The following PALM2AKAP2 variants were observed in gnomAD, a reference collection of about 807,000 sequenced individuals.
The protein encoded by PALM2AKAP2 is PALM2 and AKAP2 fusion, also known as PALM2-AKAP2 fusion protein.
Under a neutral mutation model 71.5 loss-of-function variants are expected in PALM2AKAP2, and 37 were observed. The ratio of observed to expected loss-of-function variants is 0.52; its 90% CI spans 0.40 to 0.68. The LOEUF is 0.68. Among genes scored for constraint, PALM2AKAP2 ranks in the 30% least tolerant of loss-of-function variants. PALM2AKAP2 has a pLI of 0.00. For synonymous variants in PALM2AKAP2, 468 were observed against 478.8 expected, an observed-to-expected ratio of 0.98 and a Z score of 0.29; for missense variants, 1,224 against 1,191.8, an observed-to-expected ratio of 1.03 and a Z score of -0.40.
intron 6 of PALM2AKAP2, among the ~76,000 whole-genome samples, chr9:110,001,262 A>C (rs1347444091): frequency 6.6e-6 from 1 of 152,204 alleles, no homozygotes; most frequent in African/African-American, 2.4e-5. Flanking sequence ...ACCATTTATT[A>C]AATAGGGAAT....
At chr9:110,012,487 C>T (rs2132326406) in intron 6 of PALM2AKAP2, among the ~76,000 whole-genome samples, 1 of 152,178 alleles carries the variant, frequency 6.6e-6, no homozygotes. Flanking sequence ...GCTTTGTTCT[C>T]CAAAATACAG....
chr9:110,089,861 T>C (rs571842331), intron 1 of PALM2AKAP2, among the ~76,000 whole-genome samples: 103 of 152,324 alleles, frequency 6.8e-4, no homozygotes, highest in African/African-American at 2.4e-3. Context: ...GAGAAAAGTC[T>C]TGAAGGTCAC....
intron 6 of PALM2AKAP2, among the ~76,000 whole-genome samples, chr9:109,933,294 G>C (rs764161600): frequency 2.0e-5 from 3 of 152,174 alleles, no homozygotes; most frequent in Non-Finnish European, 4.4e-5. Flanking sequence ...ACACTTCTGA[G>C]GTACACTTCT....
chr9:109,898,019 A>G (rs1463211292), intron 3 of PALM2AKAP2, among the ~76,000 whole-genome samples: 1 of 152,258 alleles, frequency 6.6e-6, no homozygotes, highest in African/African-American at 2.4e-5. Flanking sequence ...TTAACAAACC[A>G]AGAAGACTTA....
chr9:109,909,922 T>C (rs1456506483), intron 3 of PALM2AKAP2, among the ~76,000 whole-genome samples: 1 of 152,078 alleles, frequency 6.6e-6, no homozygotes, highest in Admixed American at 6.6e-5. Flanking sequence ...AGAGAGCCCA[T>C]GAGGGGTTTT....
intron 3 of PALM2AKAP2, among the ~76,000 whole-genome samples, chr9:109,902,476 C>G (rs936237229): frequency 2.6e-5 from 4 of 152,188 alleles, no homozygotes; most frequent in African/African-American, 9.7e-5. Flanking sequence ...TTACTGAGCC[C>G]CTGAAAGGCC....
chr9:109,919,761 GTGTGTA>G (rs1266407174), intron 3 of PALM2AKAP2, among the ~76,000 whole-genome samples: 1 of 141,682 alleles, frequency 7.1e-6, no homozygotes, highest in South Asian at 2.3e-4. Context: ...GTGTGTGTGT[GTGTGTA>G]TATATGTAAA....
At chr9:109,745,761 A>G (rs1828790907) in intron 1 of PALM2AKAP2, among the ~76,000 whole-genome samples, 2 of 152,218 alleles carry the variant, frequency 1.3e-5, no homozygotes. Flanking sequence ...TGTGGCTGCC[A>G]GAACTCCCTG....
intron 6 of PALM2AKAP2, among the ~76,000 whole-genome samples, chr9:109,939,525 G>T (rs1202169259): frequency 1.3e-5 from 2 of 152,194 alleles, no homozygotes; most frequent in African/African-American, 2.4e-5. Flanking sequence ...CTGAATGTTT[G>T]CAGAATAATA....
At chr9:109,847,290 G>A (rs1392859658) in intron 1 of PALM2AKAP2, among the ~76,000 whole-genome samples, 2 of 152,200 alleles carry the variant, frequency 1.3e-5, no homozygotes, top group Admixed American at 1.3e-4. Flanking sequence ...ACTAGGTAGA[G>A]GTTAGAGGGA....
chr9:110,160,147 C>T lies in PALM2AKAP2; in HGVS notation c.2748+3650C>T, dbSNP rs541132954. Among the ~76,000 whole-genome samples, 5 of 152,224 alleles carry T rather than the reference C, an allele frequency of 3.3e-5. 1 individual carries two copies. Among genetic ancestry groups the T allele is most frequent in the Admixed American group, 3.3e-4 (5 of 15,286 alleles). On this transcript the variant is annotated intron_variant, in intron 3 of 3. Coordinates refer to ENST00000374525, the Ensembl canonical transcript of PALM2AKAP2. ...GTGTGAATTAGGAAAAAAAACCACC[C>T]TTGTTCCTCTATGAAGATATGAAGA...
rs1397633271 is a variant in PALM2AKAP2, at chr9:109,739,398, TA to T, written c.6-41082del. On this transcript the variant is annotated intron_variant, in intron 1 of 6. Transcript: ENST00000374531. ...GAAACTCATTTTTAATATGCCTATT[TA>T]AAAAAAATAGATGTCATGACTGAAG... Among the ~76,000 whole-genome samples the T allele has an allele frequency of 2.6e-5, 4 of 152,068 alleles. No individual in the cohort carries two copies. The East Asian group carries it at 7.7e-4, about 29-fold the overall frequency.
chr9:109,708,524 G>A (rs376798922), intron 1 of PALM2AKAP2, among the ~76,000 whole-genome samples: 13 of 152,278 alleles, frequency 8.5e-5, no homozygotes, highest in African/African-American at 2.9e-4. Context: ...AGTGGAAAAT[G>A]TTTGCTAAAT....
intron 1 of PALM2AKAP2, among the ~76,000 whole-genome samples, chr9:110,102,784 A>C (rs1267071939): frequency 2.0e-5 from 3 of 152,224 alleles, no homozygotes; most frequent in Non-Finnish European, 4.4e-5. Flanking sequence ...TTAAAATTTA[A>C]GACCCAAACC....
chr9:109,952,851 G>A (rs765329410), intron 6 of PALM2AKAP2, among the ~76,000 whole-genome samples: 48 of 152,216 alleles, frequency 3.2e-4, no homozygotes, highest in Admixed American at 2.7e-3. Flanking sequence ...ATGGAAAGTC[G>A]TGTGCTTACA....
chr9:109,975,084 G>A (rs1252635236), intron 6 of PALM2AKAP2, among the ~76,000 whole-genome samples: 2 of 148,328 alleles, frequency 1.3e-5, no homozygotes, highest in African/African-American at 2.5e-5. Flanking sequence ...ACACACACAC[G>A]TTTGTGTATA....
chr9:109,679,910 G>A (rs888132396), intron 1 of PALM2AKAP2, among the ~76,000 whole-genome samples: 3 of 152,142 alleles, frequency 2.0e-5, no homozygotes, highest in Admixed American at 1.3e-4. Flanking sequence ...TTGACAAGAT[G>A]CTTCATTTAT....
chr9:109,777,908 G>C (rs1829370374), upstream of PALM2AKAP2, among the ~76,000 whole-genome samples: 1 of 152,158 alleles, frequency 6.6e-6, no homozygotes, highest in Non-Finnish European at 1.5e-5. Flanking sequence ...CCGCAAAGTA[G>C]ATGACACTTG....
At chr9:109,825,627 T>C (rs1363670273) in intron 1 of PALM2AKAP2, among the ~76,000 whole-genome samples, 1 of 152,220 alleles carries the variant, frequency 6.6e-6, no homozygotes, top group Non-Finnish European at 1.5e-5. Flanking sequence ...TCATCATCAC[T>C]GGCCATCAGA....
Sources: allele counts gnomAD v4.1 joint callset (sites outside exome capture counted in the v4.1 genomes callset), GRCh38; gene constraint gnomAD v4.1.1; transcripts MANE v1.5; gene names NCBI Gene and HGNC (gene_info 2026-07-23, HGNC 2026-07-21).